The following FBXO11 variants were observed in gnomAD, a reference collection of about 807,000 sequenced individuals.
FBXO11 encodes the protein F-box protein 11.
Under a neutral mutation model 117.0 loss-of-function variants are expected in FBXO11, and 13 were observed. The ratio of observed to expected loss-of-function variants is 0.11; its 90% CI spans 0.07 to 0.18. FBXO11 has a LOEUF of 0.18. Ranked by LOEUF, FBXO11 falls within the 10% of genes least tolerant of loss-of-function variation. The pLI is 1.00. For synonymous variants in FBXO11, 490 were observed against 380.5 expected (o/e 1.29, Z -3.35); for missense variants, 767 against 1,164.4 (o/e 0.66, Z 4.97).
At chr2:47,904,581 AACACACACACACACACACACACACACAC>A (rs112758707) in intron 1 of FBXO11, among the ~76,000 whole-genome samples, 1 of 147,584 alleles carries the variant, frequency 6.8e-6, no homozygotes, top group Non-Finnish European at 1.5e-5. Context: ...CGCGCGCGCA[AACACACACACACACACACACACACACAC>A]ACACACACAC....
intron 1 of FBXO11, among the ~76,000 whole-genome samples, chr2:47,871,854 A>C (rs893380231): frequency 6.6e-6 from 1 of 152,252 alleles, no homozygotes; most frequent in Non-Finnish European, 1.5e-5. Context: ...GTGCTTTTAA[A>C]GTTCTGTAAA....
intron 1 of FBXO11, among the ~76,000 whole-genome samples, chr2:47,901,850 A>G (rs1215260091): frequency 1.3e-5 from 2 of 152,402 alleles, no homozygotes; most frequent in East Asian, 3.8e-4. Context: ...CTAGAATTTT[A>G]AAACAAAACA....
At chr2:47,828,939 T>G (rs1361768760) in intron 11 of FBXO11, among the ~76,000 whole-genome samples, 1 of 152,056 alleles carries the variant, frequency 6.6e-6, no homozygotes, top group Non-Finnish European at 1.5e-5. Context: ...TTTGACAGAG[T>G]CTCACTCCTC....
chr2:47,810,836 A>T (rs1348683180), intron 18 of FBXO11: 1 of 154,292 alleles, frequency 6.5e-6, no homozygotes, highest in Non-Finnish European at 1.4e-5. Flanking sequence ...TTATTACTAT[A>T]ATCATTTCCT....
chr2:47,877,643 T>C (rs183300736), intron 1 of FBXO11, among the ~76,000 whole-genome samples: 6 of 152,254 alleles, frequency 3.9e-5, no homozygotes, highest in Admixed American at 2.6e-4. Context: ...ATTTTCTCCA[T>C]CTCTCACTCA....
rs3732191 is a variant in FBXO11 at position 47,813,146 on chromosome 2, A to G, written c.2227+88T>C. 9 of 1,301,390 alleles carry G rather than the reference A, an allele frequency of 6.9e-6. No homozygotes were observed. The East Asian group carries it at 1.4e-4, about 20-fold the overall frequency. 80.6% of individuals were successfully genotyped at this position (1,301,390 alleles called of 1,614,324 possible). A position where few individuals can be genotyped will look rare whatever the true frequency, so the allele number is the denominator to read the frequency against. On this transcript the variant is annotated intron_variant, in intron 18 of 22. Transcript: ENST00000403359. ...AAGACTTGAGATTCACTCATTTATA[A>G]CTTAGTTAGCAATGTCATTGATCAT...
At chr2:47,855,696 G>A (rs936232572) in intron 1 of FBXO11, among the ~76,000 whole-genome samples, 6 of 152,152 alleles carry the variant, frequency 3.9e-5, no homozygotes, top group Non-Finnish European at 8.8e-5. Flanking sequence ...GCCAGGCATG[G>A]TGGTGCATGC....
rs187366087 is a variant in FBXO11, at chr2:47,894,830, G to A, written c.232+10659C>T. On this transcript the variant is annotated intron_variant, in intron 1 of 22. Transcript: ENST00000403359. ...AACCCAACATATTTTAATAACAACT[G>A]TGGCTATCTGCAAAAAAATGAAAAT... is the stretch of plus-strand genomic sequence containing the variant. Among the ~76,000 whole-genome samples the A allele has an allele frequency of 5.6e-4, 86 of 152,230 alleles. 1 individual carries two copies. Among genetic ancestry groups the A allele is most frequent in the Non-Finnish European group, 9.8e-4 (67 of 68,022 alleles).
intron 1 of FBXO11, among the ~76,000 whole-genome samples, chr2:47,903,024 CCTTT>C (rs1678417573): frequency 6.6e-6 from 1 of 151,968 alleles, no homozygotes; most frequent in Non-Finnish European, 1.5e-5. Context: ...CAACAAAATC[CCTTT>C]CTTTCCAAAC....
chr2:47,838,847 G>T lies in FBXO11; in HGVS notation c.587+12C>A, dbSNP rs754032411. The T allele has an allele frequency of 3.4e-5, 54 of 1,610,544 alleles. No homozygotes were observed. In the South Asian group the frequency reaches 5.5e-4, roughly 16 times the overall value. On this transcript the variant is annotated intron_variant, in intron 4 of 22. Transcript: ENST00000403359. The stretch of plus-strand genomic sequence containing the variant: ...CATATCTCAAGTTAATAAGGAATAG[G>T]TTTTTACTTACCACAAAATTGGATC...
chr2:47,835,191 C>G (rs988214160), intron 5 of FBXO11, among the ~76,000 whole-genome samples: 1 of 152,170 alleles, frequency 6.6e-6, no homozygotes, highest in Non-Finnish European at 1.5e-5. Context: ...CAGCAGCACA[C>G]TCTCCTCCCA....
intron 1 of FBXO11, among the ~76,000 whole-genome samples, chr2:47,889,925 T>G (rs1176688145): frequency 6.6e-6 from 1 of 152,196 alleles, no homozygotes; most frequent in Non-Finnish European, 1.5e-5. Flanking sequence ...AGCAAAACAT[T>G]TGTACGTATT....
chr2:47,834,116 G>A (rs188250778), intron 7 of FBXO11, among the ~76,000 whole-genome samples: 4 of 152,290 alleles, frequency 2.6e-5, no homozygotes, highest in African/African-American at 9.6e-5. Context: ...TTGGAAGGCC[G>A]AGATGGGCAA....
Position 47,816,162 on chromosome 2 carries a change from A to AT in FBXO11, c.2007-2296dup, listed in dbSNP as rs566037515. The stretch of plus-strand genomic sequence containing the variant: ...AAAAGCTCAACATTTGGCTCAGGGC[A>AT]TAACTGCAATTTTTTTTTGTTTTGT... On this transcript the variant is annotated intron_variant, in intron 16 of 22. Transcript: ENST00000403359. Among the ~76,000 whole-genome samples the AT allele has an allele frequency of 9.2e-5, 14 of 152,266 alleles. No individual in the cohort carries two copies. The East Asian group carries it at 2.7e-3, about 29-fold the overall frequency.
intron 13 of FBXO11, among the ~76,000 whole-genome samples, chr2:47,821,615 A>G (rs547010642): frequency 7.1e-6 from 1 of 140,578 alleles, no homozygotes; most frequent in South Asian, 2.2e-4. Context: ...GTCTCAAAAG[A>G]AAAAAAAAAA....
chr2:47,906,021 GA>G lies in FBXO11; in HGVS notation c.-302del. 6.8e-6 allele frequency: 2 copies of G among 293,540 alleles called. No individual in the cohort carries two copies. Among genetic ancestry groups the G allele is most frequent in the Non-Finnish European group, 1.3e-5 (2 of 156,332 alleles). The allele number at this position is 293,540 out of a possible 1,614,324, so 18.2% of individuals were successfully genotyped here. On this transcript the variant is annotated 5_prime_UTR_variant, in exon 1 of 23. Coordinates refer to ENST00000403359, the MANE Select transcript of FBXO11 (RefSeq NM_001190274.2). ...AGGCAGAAAGACGGGCAGACCGAGA[GA>G]AAGAAAGAAAGGGCGTCCGCCGCTT... is the stretch of plus-strand genomic sequence containing the variant.
At position 47,810,433 on chromosome 2, in the gene FBXO11, T is replaced by C. The variant is rs761759229; in HGVS notation, c.2228-7A>G. On this transcript the variant is annotated splice_region_variant and splice_polypyrimidine_tract_variant and intron_variant, in intron 18 of 22. Coordinates refer to ENST00000403359, the MANE Select transcript of FBXO11 (RefSeq NM_001190274.2). ...TCATTTTCTTCAAGGAGACCTATAA[T>C]AAAATATTTCCTTAGATTAAGGCTA... 6 of 1,576,146 alleles carry C rather than the reference T, an allele frequency of 3.8e-6. No individual in the cohort carries two copies. The highest frequency in any genetic ancestry group is 2.3e-5 in the East Asian group (1 of 44,422).
intron 1 of FBXO11, among the ~76,000 whole-genome samples, chr2:47,882,854 G>A (rs1448815625): frequency 1.3e-5 from 2 of 152,112 alleles, no homozygotes; most frequent in Non-Finnish European, 2.9e-5. Context: ...TTGCCATGTT[G>A]TCTAGGCTGG....
intron 1 of FBXO11, among the ~76,000 whole-genome samples, chr2:47,858,400 G>A (rs1572857216): frequency 6.6e-6 from 1 of 151,454 alleles, no homozygotes; most frequent in African/African-American, 2.4e-5. Context: ...ACATAATACA[G>A]GCCAGGCGTG....
Sources: allele counts gnomAD v4.1 joint callset (sites outside exome capture counted in the v4.1 genomes callset), GRCh38; gene constraint gnomAD v4.1.1; transcripts MANE v1.5; gene names NCBI Gene and HGNC (gene_info 2026-07-23, HGNC 2026-07-21).